Variants in CPM observed in about 807,000 individuals in gnomAD.
CPM encodes renal carboxypeptidase.
A neutral mutation model predicts 46.4 loss-of-function variants in CPM; 35 were observed. The observed-to-expected ratio is 0.75, with a 90% CI of 0.58 to 1.00. The LOEUF is 1.00. Ranked by LOEUF, CPM falls within the 50% of genes least tolerant of loss-of-function variation. The pLI is 0.00. For missense variants in CPM, 422 were observed against 530.4 expected (o/e 0.80, Z 2.01); for synonymous variants, 195 against 195.3 (o/e 1.00, Z 0.01).
chr12:68,902,438 T>C (rs1887150944), intron 2 of CPM, among the ~76,000 whole-genome samples: 1 of 152,188 alleles, frequency 6.6e-6, no homozygotes, highest in Non-Finnish European at 1.5e-5. Context: ...GCAGACCCAC[T>C]AACAATGATC....
In CPM at chr12:68,889,880, C is replaced by T. The variant is rs114324498; in HGVS notation, c.161-3991G>A. ...CCGGCAGGAAGACACCTACCCTGGA[C>T]GAAGACATGTACCCCTGATCGAGAA... On this transcript the variant is annotated intron_variant, in intron 2 of 8. Transcript: ENST00000551568. Among the ~76,000 whole-genome samples, 974 of 152,238 alleles carry T rather than the reference C, an allele frequency of 6.4e-3. 17 individuals are homozygous for T. The highest frequency in any genetic ancestry group is 0.022 in the African/African-American group (929 of 41,524).
At chr12:68,847,165 A>G (rs532715430), downstream of CPM, 4 of 93,802 alleles carry the variant, frequency 4.3e-5, no homozygotes, top group Admixed American at 3.7e-4. Context: ...TATATAATAC[A>G]TATGTGTTTA....
At chr12:68,911,144 A>G (rs1490394351) in intron 2 of CPM, among the ~76,000 whole-genome samples, 1 of 152,206 alleles carries the variant, frequency 6.6e-6, no homozygotes, top group African/African-American at 2.4e-5. Flanking sequence ...ACATACCACA[A>G]GCAGTTGGAT....
downstream of CPM, chr12:68,846,612 C>T (rs2136196310): frequency 6.6e-6 from 1 of 152,124 alleles, no homozygotes; most frequent in Non-Finnish European, 1.5e-5. Context: ...TTACAGATAC[C>T]ATCATGTTGC....
chr12:68,898,420 C>G (rs981157893), intron 2 of CPM, among the ~76,000 whole-genome samples: 3 of 152,256 alleles, frequency 2.0e-5, no homozygotes, highest in African/African-American at 4.8e-5. Flanking sequence ...CTAAAAAGCT[C>G]TCATTCTAAA....
chr12:68,845,150 GT>G (rs942304758), intron 5 of CPM: 1 of 223,804 alleles, frequency 4.5e-6, no homozygotes, highest in African/African-American at 2.2e-5. Context: ...ATTGTGAAAA[GT>G]TTTTAGTTGC....
At chr12:68,849,398 TTTTG>T (rs978117913), downstream of CPM, 22 of 126,288 alleles carry the variant, frequency 1.7e-4, no homozygotes, top group South Asian at 7.4e-4. Context: ...CCGTTTTTTT[TTTTG>T]TTGTTGTTGT....
chr12:68,909,815 T>TCA (rs1318291406), intron 2 of CPM, among the ~76,000 whole-genome samples: 5 of 117,852 alleles, frequency 4.2e-5, no homozygotes, highest in Non-Finnish European at 8.2e-5. Context: ...GAGGGAAACA[T>TCA]CACACACTGG....
chr12:68,865,397 T>C lies in CPM; in HGVS notation c.940+1499A>G, dbSNP rs374279633. 8.5e-5 allele frequency among the ~76,000 whole-genome samples: 13 copies of C among 152,244 alleles called. No individual in the cohort carries two copies. In the East Asian group the frequency reaches 1.9e-3, roughly 23 times the overall value. On this transcript the variant is annotated intron_variant, in intron 7 of 8. Transcript: ENST00000551568. Reference sequence around the variant, plus strand: ...AGGGCATGGAGGCTGGGGATACAGGTATGAAAGAGGGCAGGGGCATCCCTT... The same window carrying C: ...AGGGCATGGAGGCTGGGGATACAGGCATGAAAGAGGGCAGGGGCATCCCTT...
chr12:68,907,278 G>C (rs1000094061), intron 2 of CPM, among the ~76,000 whole-genome samples: 1 of 152,204 alleles, frequency 6.6e-6, no homozygotes, highest in African/African-American at 2.4e-5. Flanking sequence ...TGCTGAAATA[G>C]CCAATTTGGA....
chr12:68,876,194 CA>C (rs764815873), intron 3 of CPM, among the ~76,000 whole-genome samples: 3 of 151,894 alleles, frequency 2.0e-5, no homozygotes, highest in Non-Finnish European at 4.4e-5. Context: ...CTCAATAGTC[CA>C]CAACAAATCA....
At chr12:68,956,569 G>A (rs891531769) in intron 1 of CPM, among the ~76,000 whole-genome samples, 12 of 152,326 alleles carry the variant, frequency 7.9e-5, no homozygotes, top group Non-Finnish European at 1.5e-4. Context: ...TGGACTCCTT[G>A]CACAAAATTA....
intron 1 of CPM, among the ~76,000 whole-genome samples, chr12:68,958,386 T>A (rs1302642852): frequency 6.6e-6 from 1 of 152,158 alleles, no homozygotes; most frequent in Non-Finnish European, 1.5e-5. Context: ...GATTTTTAAA[T>A]GCCTTTTTTA....
At chr12:68,872,313 C>T (rs954694266) in intron 3 of CPM, among the ~76,000 whole-genome samples, 4 of 133,918 alleles carry the variant, frequency 3.0e-5, no homozygotes, top group African/African-American at 2.8e-5. Context: ...AGTGCATTGG[C>T]GCGATCTTGG....
chr12:68,882,510 A>G (rs560008828), intron 3 of CPM, among the ~76,000 whole-genome samples: 1 of 152,270 alleles, frequency 6.6e-6, no homozygotes, highest in Admixed American at 6.5e-5. Flanking sequence ...GCTATTGTGA[A>G]TAGCGCTGCA....
At chr12:68,904,178 C>A (rs1285106441) in intron 2 of CPM, among the ~76,000 whole-genome samples, 2 of 152,220 alleles carry the variant, frequency 1.3e-5, no homozygotes, top group African/African-American at 4.8e-5. Flanking sequence ...CCATGCTTGG[C>A]AAGTCAGGTC....
intron 1 of CPM, among the ~76,000 whole-genome samples, chr12:68,940,631 C>T (rs930417364): frequency 1.3e-5 from 2 of 151,410 alleles, no homozygotes; most frequent in Non-Finnish European, 2.9e-5. Flanking sequence ...ACACATCCTT[C>T]TTATTACCAA....
intron 2 of CPM, among the ~76,000 whole-genome samples, chr12:68,886,850 G>GA (rs1238712077): frequency 6.6e-5 from 10 of 152,302 alleles, no homozygotes; most frequent in Admixed American, 3.9e-4. Flanking sequence ...AGAAAGGGCA[G>GA]AGACAAAAGC....
intron 1 of CPM, among the ~76,000 whole-genome samples, chr12:68,962,283 CAGTAGTTTTA>C (rs1347513463): frequency 1.3e-5 from 2 of 151,826 alleles, no homozygotes; most frequent in African/African-American, 4.8e-5. Flanking sequence ...ACCTACAGTT[CAGTAGTTTTA>C]AGTACATTCA....
Sources: allele counts gnomAD v4.1 joint callset (sites outside exome capture counted in the v4.1 genomes callset), GRCh38; gene constraint gnomAD v4.1.1; transcripts MANE v1.5; gene names NCBI Gene and HGNC (gene_info 2026-07-23, HGNC 2026-07-21).